EIF2S2: variants seen among roughly 807,000 people sequenced by gnomAD.
The protein encoded by EIF2S2 is eukaryotic translation initiation factor 2 subunit beta.
Under a neutral mutation model 44.0 loss-of-function variants are expected in EIF2S2, and 4 were observed. The ratio of observed to expected loss-of-function variants is 0.09; its 90% confidence interval spans 0.04 to 0.21. The LOEUF (loss-of-function observed/expected upper bound fraction) is 0.21, where lower values mean the gene tolerates loss of function less well. Ranked by LOEUF, EIF2S2 falls within the 10% of genes least tolerant of loss-of-function variation. The pLI, the probability that EIF2S2 is intolerant of heterozygous loss-of-function variation, is 1.00. For synonymous variants in EIF2S2, 108 were observed against 128.3 expected, an observed-to-expected ratio of 0.84 and a Z score of 1.07; for missense variants, 154 against 392.0, an observed-to-expected ratio of 0.39 and a Z score of 5.13.
Position 34,095,006 on chromosome 20 carries a change from C to G in EIF2S2, c.684-1275G>C, listed in dbSNP as rs1277706660. On this transcript the variant is annotated intron_variant, in intron 6 of 8. Transcript: ENST00000374980. ...ATAAAAATATCCATTCCTTTTAACT[C>G]AGCAATTTCATCTTGCCTTAAGATT... is the stretch of plus-strand genomic sequence containing the variant. 2.6e-5 allele frequency among the ~76,000 whole-genome samples: 4 copies of G among 152,206 alleles called. No homozygotes were observed. The South Asian group carries it at 6.2e-4, about 24-fold the overall frequency.
In EIF2S2 at chr20:34,089,143, C is replaced by A. The variant is rs1472953331; in HGVS notation, c.*587G>T. On this transcript the variant is annotated 3_prime_UTR_variant, in exon 9 of 9. Transcript: ENST00000374980. ...GGACTTGGCGGTGAGGTAGTAGCAA[C>A]CATCCCCACATACGGAAAAGAATTC... 1 of 152,744 alleles carries A rather than the reference C, an allele frequency of 6.5e-6. No homozygotes were observed. Among genetic ancestry groups the A allele is most frequent in the Admixed American group, 6.5e-5 (1 of 15,288 alleles). The allele number at this position is 152,744 out of a possible 1,614,324, so 9.5% of individuals were successfully genotyped here.
intron 1 of EIF2S2, among the ~76,000 whole-genome samples, chr20:34,106,087 A>G (rs962036034): frequency 1.3e-5 from 2 of 152,052 alleles, no homozygotes; most frequent in African/African-American, 2.4e-5. Flanking sequence ...ATGCCCAGCT[A>G]ATTTTTTTAT....
chr20:34,111,037 G>A (rs1241046586), intron 1 of EIF2S2, among the ~76,000 whole-genome samples: 1 of 152,106 alleles, frequency 6.6e-6, no homozygotes, highest in Non-Finnish European at 1.5e-5. Flanking sequence ...CTATTTTACA[G>A]GACTGTTGTG....
intron 4 of EIF2S2, among the ~76,000 whole-genome samples, chr20:34,098,200 C>G (rs1248915502): frequency 6.7e-6 from 1 of 150,208 alleles, no homozygotes; most frequent in Non-Finnish European, 1.5e-5. Flanking sequence ...GAGCCAAGAT[C>G]GTGTCATTGC....
At chr20:34,101,934 C>G (rs980316359) in intron 3 of EIF2S2, among the ~76,000 whole-genome samples, 19 of 152,090 alleles carry the variant, frequency 1.2e-4, no homozygotes, top group African/African-American at 4.6e-4. Flanking sequence ...CTCGGCCTCC[C>G]AAAGTGCTGG....
At chr20:34,090,163 T>A (rs906410334) in intron 8 of EIF2S2, among the ~76,000 whole-genome samples, 1 of 152,230 alleles carries the variant, frequency 6.6e-6, no homozygotes, top group African/African-American at 2.4e-5. Flanking sequence ...TTCTCGTTTC[T>A]GTCTAGAGGA....
At chr20:34,090,316 C>G (rs532470054) in intron 8 of EIF2S2, among the ~76,000 whole-genome samples, 1 of 152,240 alleles carries the variant, frequency 6.6e-6, no homozygotes, top group African/African-American at 2.4e-5. Context: ...ATCAGCTGGG[C>G]TTTCTTTAAA....
intron 7 of EIF2S2, among the ~76,000 whole-genome samples, chr20:34,093,208 A>G (rs1290844164): frequency 6.6e-6 from 1 of 152,190 alleles, no homozygotes; most frequent in African/African-American, 2.4e-5. Flanking sequence ...CAGTGCCTTC[A>G]AAAGGTGAGC....
chr20:34,099,406 T>C (rs898676404), intron 3 of EIF2S2, among the ~76,000 whole-genome samples: 35 of 151,682 alleles, frequency 2.3e-4, no homozygotes, highest in African/African-American at 7.8e-4. Context: ...AAAGTTTAAA[T>C]CGGATTGATG....
At chr20:34,097,301 G>T in intron 5 of EIF2S2, 115 bp downstream of exon 5, 1 of 873,292 alleles carries the variant, frequency 1.1e-6, no homozygotes, top group Non-Finnish European at 1.8e-6. Context: ...TGACCTCTCT[G>T]CATCTGTTCC....
chr20:34,096,775 C>G lies in EIF2S2; in HGVS notation c.565G>C (p.Glu189Gln). ...LLNRVFNIMR[E>Q]KNPDMVAGEK... ...CCAGCAACCATATCTGGATTCTTTT[C>G]CCTCATGATGTTGAACACTCGATTC... is the stretch of plus-strand genomic sequence containing the variant. Residue 189 changes from glutamate (E) to glutamine (Q), a missense_variant, in exon 6 of 9, where the codon GAA becomes CAA. This residue lies in a region of EIF2S2 where 134 missense variants were observed against 225.0 expected (regional missense o/e 0.60). Coordinates refer to ENST00000374980, the MANE Select transcript of EIF2S2 (RefSeq NM_003908.5). The G allele has an allele frequency of 6.2e-7, 1 of 1,610,782 alleles. No homozygotes were observed.
At chr20:34,090,456 T>A in intron 8 of EIF2S2, 61 bp downstream of exon 8, 1 of 1,090,926 alleles carries the variant, frequency 9.2e-7, no homozygotes, top group Non-Finnish European at 1.3e-6. Context: ...GCTCTTCCTC[T>A]AACACTGCAG....
rs149458842 is a variant in EIF2S2 at position 34,092,782 on chromosome 20, G to C, written c.740+893C>G. 2.8e-3 allele frequency among the ~76,000 whole-genome samples: 424 copies of C among 152,304 alleles called. 3 individuals carry two copies. The highest frequency in any genetic ancestry group is 9.7e-3 in the African/African-American group (401 of 41,554). On this transcript the variant is annotated intron_variant, in intron 7 of 8. Transcript: ENST00000374980. ...ACACCAAGTGTAGCAAATCCCAACA[G>C]TTTAAAGAGAGTAGGAAGAGAACAC...
At chr20:34,092,494 C>G (rs1382297988) in intron 7 of EIF2S2, among the ~76,000 whole-genome samples, 2 of 152,270 alleles carry the variant, frequency 1.3e-5, no homozygotes, top group East Asian at 3.9e-4. Flanking sequence ...CACGGTGAAA[C>G]CTCGTCTACT....
intron 6 of EIF2S2, 147 bp from the exon 7 acceptor site, chr20:34,093,878 T>C: frequency 1.4e-6 from 1 of 720,388 alleles, no homozygotes; most frequent in Non-Finnish European, 2.2e-6. Context: ...GAAATAAAGA[T>C]ACAGTATATG....
intron 3 of EIF2S2, among the ~76,000 whole-genome samples, chr20:34,103,007 G>A (rs1236284671): frequency 6.6e-6 from 1 of 152,186 alleles, no homozygotes; most frequent in Non-Finnish European, 1.5e-5. Context: ...TAGCCTGAGT[G>A]CTCTGGTTTG....
At chr20:34,093,171 G>A (rs1360702782) in intron 7 of EIF2S2, among the ~76,000 whole-genome samples, 1 of 152,114 alleles carries the variant, frequency 6.6e-6, no homozygotes, top group Non-Finnish European at 1.5e-5. Flanking sequence ...ATGAGATCTT[G>A]GCCTTCCTGA....
chr20:34,097,232 TG>T (rs2034239111), intron 5 of EIF2S2, among the ~76,000 whole-genome samples, 183 bp downstream of exon 5: 1 of 152,246 alleles, frequency 6.6e-6, no homozygotes, highest in Admixed American at 6.5e-5. Context: ...CAATGACTGC[TG>T]CACTCTGGGC....
rs142261350 is a variant in EIF2S2 at position 34,100,419 on chromosome 20, A to C, written c.298-1786T>G. On this transcript the variant is annotated intron_variant, in intron 3 of 8. Coordinates refer to ENST00000374980, the MANE Select transcript of EIF2S2 (RefSeq NM_003908.5). ...GAAAGTTCCAACCCTCTAAAATCATAGCTTTGTCCTTCTGGTGACCAGCCC... is the reference window on the plus strand; with the variant it reads ...GAAAGTTCCAACCCTCTAAAATCATCGCTTTGTCCTTCTGGTGACCAGCCC... Among the ~76,000 whole-genome samples the C allele has an allele frequency of 3.3e-5, 5 of 152,278 alleles. No individual in the cohort carries two copies. The East Asian group carries it at 9.7e-4, about 29-fold the overall frequency.
Sources: gnomAD v4.1 joint callset for allele counts (sites outside exome capture counted in the v4.1 genomes callset) on GRCh38, gnomAD v4.1.1 for gene constraint, gnomAD v4.1.1 regional missense constraint, MANE v1.5 for transcripts, NCBI Gene and HGNC (gene_info 2026-07-23, HGNC 2026-07-21) for gene names.